The following KCTD8 variants were observed in gnomAD, a reference collection of about 807,000 sequenced individuals.
The protein encoded by KCTD8 is potassium channel tetramerization domain containing 8.
A neutral mutation model predicts 31.5 loss-of-function variants in KCTD8; 27 were observed. The observed-to-expected ratio is 0.86, with a 90% CI of 0.63 to 1.18. The LOEUF (loss-of-function observed/expected upper bound fraction) is 1.18. Among genes scored for constraint, KCTD8 ranks in the 50% most tolerant of loss-of-function variants. KCTD8 has a pLI of 0.00. For synonymous variants in KCTD8, 290 were observed against 280.0 expected, an observed-to-expected ratio of 1.04 and a Z score of -0.36; for missense variants, 658 against 647.7, an observed-to-expected ratio of 1.02 and a Z score of -0.17.
chr4:44,226,172 C>T (rs112637575), intron 1 of KCTD8, among the ~76,000 whole-genome samples: 5,390 of 152,154 alleles, frequency 0.035, 156 homozygotes, highest in Non-Finnish European at 0.047. Context: ...GGTATTTGTC[C>T]TAATGCTCTC....
chr4:44,246,849 G>A (rs1715681468), intron 1 of KCTD8, among the ~76,000 whole-genome samples: 1 of 151,930 alleles, frequency 6.6e-6, no homozygotes. Flanking sequence ...GCACATATCT[G>A]GTCTTCCTGA....
chr4:44,215,642 T>A (rs1363931679), intron 1 of KCTD8, among the ~76,000 whole-genome samples: 1 of 152,184 alleles, frequency 6.6e-6, no homozygotes, highest in African/African-American at 2.4e-5. Context: ...ATGGAATTGA[T>A]CATGACTTTT....
intron 1 of KCTD8, among the ~76,000 whole-genome samples, chr4:44,357,341 C>T (rs555477365): frequency 2.0e-5 from 3 of 152,284 alleles, no homozygotes; most frequent in East Asian, 3.9e-4. Context: ...TCCATCGTTA[C>T]CAAACCACTG....
At chr4:44,184,472 A>G (rs891927698) in intron 1 of KCTD8, among the ~76,000 whole-genome samples, 5 of 152,202 alleles carry the variant, frequency 3.3e-5, no homozygotes, top group African/African-American at 9.6e-5. Context: ...TGACTTGAAA[A>G]GAGAAACATG....
intron 1 of KCTD8, among the ~76,000 whole-genome samples, chr4:44,333,807 C>G (rs1438497029): frequency 6.6e-6 from 1 of 151,986 alleles, no homozygotes; most frequent in African/African-American, 2.4e-5. Flanking sequence ...AAGGCAAAAG[C>G]ATAAGGCAAA....
At chr4:44,217,245 TA>T (rs1714675282) in intron 1 of KCTD8, among the ~76,000 whole-genome samples, 1 of 152,158 alleles carries the variant, frequency 6.6e-6, no homozygotes, top group South Asian at 2.1e-4. Flanking sequence ...AAAATCATTT[TA>T]AAAAGAATAT....
chr4:44,315,229 C>A (rs1718071659), intron 1 of KCTD8, among the ~76,000 whole-genome samples: 1 of 151,810 alleles, frequency 6.6e-6, no homozygotes, highest in Admixed American at 6.6e-5. Context: ...ATCTATTTTA[C>A]CCTGGATTAA....
intron 1 of KCTD8, among the ~76,000 whole-genome samples, chr4:44,194,227 G>C (rs1445376772): frequency 6.6e-6 from 1 of 152,176 alleles, no homozygotes. Flanking sequence ...AGCAGATTCT[G>C]TCAGTGTTGA....
intron 1 of KCTD8, among the ~76,000 whole-genome samples, chr4:44,268,527 T>G (rs1281878814): frequency 2.0e-5 from 3 of 152,260 alleles, no homozygotes; most frequent in Non-Finnish European, 4.4e-5. Flanking sequence ...CAACACAGTA[T>G]TGGAAGTTCT....
intron 1 of KCTD8, among the ~76,000 whole-genome samples, chr4:44,265,228 G>A (rs927209069): frequency 3.9e-5 from 6 of 152,156 alleles, no homozygotes; most frequent in South Asian, 2.1e-4. Flanking sequence ...CAGCATTCAC[G>A]GTTCACGAAA....
chr4:44,415,704 C>G (rs969765097), intron 1 of KCTD8, among the ~76,000 whole-genome samples: 3 of 152,172 alleles, frequency 2.0e-5, no homozygotes, highest in Non-Finnish European at 4.4e-5. Context: ...AGTTTCTACT[C>G]GGTGTTAAGC....
intron 1 of KCTD8, among the ~76,000 whole-genome samples, chr4:44,231,749 T>G (rs1277077153): frequency 6.6e-6 from 1 of 152,130 alleles, no homozygotes; most frequent in African/African-American, 2.4e-5. Context: ...ATGAAGAAAT[T>G]TTTCTGGAAT....
chr4:44,184,922 G>A (rs548779438), intron 1 of KCTD8, among the ~76,000 whole-genome samples: 2 of 152,256 alleles, frequency 1.3e-5, no homozygotes, highest in Non-Finnish European at 2.9e-5. Context: ...TACTCAGACA[G>A]TTCAGGAGGC....
intron 1 of KCTD8, among the ~76,000 whole-genome samples, chr4:44,365,515 G>A (rs1719608180): frequency 6.6e-6 from 1 of 151,988 alleles, no homozygotes; most frequent in Non-Finnish European, 1.5e-5. Context: ...CGGAAATGTT[G>A]AGAACAATGA....
chr4:44,292,717 GA>G lies in KCTD8; in HGVS notation c.962-117468del, dbSNP rs1158642440. The stretch of plus-strand genomic sequence containing the variant: ...GTTATTACAACTAGGTATGTTGAGG[GA>G]AAAAAGTCTAGGAAGTATCAAGTAA... On this transcript the variant is annotated intron_variant, in intron 1 of 1. Coordinates refer to ENST00000360029, the MANE Select transcript of KCTD8 (RefSeq NM_198353.3). 1.1e-4 allele frequency among the ~76,000 whole-genome samples: 16 copies of G among 151,832 alleles called. 1 individual carries two copies. Among genetic ancestry groups the G allele is most frequent in the Admixed American group, 1.1e-3 (16 of 15,230 alleles).
chr4:44,216,880 A>T (rs1400620455), intron 1 of KCTD8, among the ~76,000 whole-genome samples: 1 of 151,938 alleles, frequency 6.6e-6, no homozygotes, highest in Non-Finnish European at 1.5e-5. Context: ...GACTCTATAC[A>T]CTTCAAAAGT....
intron 1 of KCTD8, among the ~76,000 whole-genome samples, chr4:44,357,972 A>T (rs1016164864): frequency 6.6e-6 from 1 of 152,136 alleles, no homozygotes; most frequent in East Asian, 1.9e-4. Flanking sequence ...ATAGGTATAC[A>T]CATGCCATGG....
At chr4:44,280,978 C>T (rs1160502390) in intron 1 of KCTD8, among the ~76,000 whole-genome samples, 3 of 152,106 alleles carry the variant, frequency 2.0e-5, no homozygotes, top group South Asian at 2.1e-4. Flanking sequence ...AGACAAGCGC[C>T]ATTTTTATAA....
In KCTD8 at chr4:44,447,739, G is replaced by A; in HGVS notation, c.785C>T (p.Pro262Leu). ...GTAGAAGCGGGACGTGTACTTCTCC[G>A]GCTGCCGGTCGGGGTCGCGGCTCTC... ...LNESRDPDRQ[P>L]EKYTSRFYLK... The change falls in exon 1 of 2, where the codon CCG becomes CTG. Residue 262 changes from proline (P) to leucine (L), a missense_variant. Physicochemically the swap from Pro to Leu is moderately conservative, Grantham distance 98. Transcript: ENST00000360029. The A allele has an allele frequency of 1.2e-6, 2 of 1,612,194 alleles. No homozygotes were observed. The highest frequency in any genetic ancestry group is 2.2e-5 in the East Asian group (1 of 44,756).
Sources: allele counts gnomAD v4.1 joint callset (sites outside exome capture counted in the v4.1 genomes callset), GRCh38; gene constraint gnomAD v4.1.1; transcripts MANE v1.5; gene names NCBI Gene and HGNC (gene_info 2026-07-23, HGNC 2026-07-21).